HIBADH: variants seen among roughly 807,000 people sequenced by gnomAD.
HIBADH encodes the protein 3-hydroxyisobutyrate dehydrogenase.
In HIBADH, 25 loss-of-function variants were observed where a neutral mutation model predicts 36.1. The observed-to-expected ratio is 0.69, with a 90% CI of 0.50 to 0.97. The LOEUF (loss-of-function observed/expected upper bound fraction) is 0.97. HIBADH is among the 50% of genes least tolerant of loss of function. The pLI, the probability that HIBADH is intolerant of heterozygous loss-of-function variation, is 0.00. For missense variants in HIBADH, 421 were observed against 418.0 expected (o/e 1.01, Z -0.06); for synonymous variants, 160 against 149.5 (o/e 1.07, Z -0.51).
At chr7:27,608,300 C>A (rs34578407) in intron 4 of HIBADH, among the ~76,000 whole-genome samples, 20,767 of 152,110 alleles carry the variant, frequency 0.14, 1,699 homozygotes, top group Middle Eastern at 0.19. Flanking sequence ...AGGCAAAAGA[C>A]AGAAGGCATA....
intron 2 of HIBADH, among the ~76,000 whole-genome samples, chr7:27,647,147 G>T (rs531571234): frequency 6.6e-6 from 1 of 152,026 alleles, no homozygotes; most frequent in Non-Finnish European, 1.5e-5. Context: ...TAAAATAAGG[G>T]TTACCTGAAA....
At chr7:27,541,812 C>T in intron 5 of HIBADH, 1 of 393,316 alleles carries the variant, frequency 2.5e-6, no homozygotes, top group Non-Finnish European at 4.9e-6. Context: ...TACTATGATA[C>T]ACAATTTACT....
chr7:27,593,394 T>C (rs766238533), intron 4 of HIBADH, among the ~76,000 whole-genome samples: 3 of 152,180 alleles, frequency 2.0e-5, no homozygotes, highest in Non-Finnish European at 4.4e-5. Context: ...AGGGCAGGGA[T>C]TGTGCCTATT....
Position 27,528,115 on chromosome 7 carries a change from G to A in HIBADH, c.853-1743C>T, listed in dbSNP as rs563147881. Among the ~76,000 whole-genome samples the A allele has an allele frequency of 2.6e-5, 4 of 151,772 alleles. No individual in the cohort carries two copies. The East Asian group carries it at 5.8e-4, about 22-fold the overall frequency. The stretch of plus-strand genomic sequence containing the variant: ...AAACTGTTTTGGGGTGTCAGAAAGC[G>A]CACATAAGATGGCAAACATAATCGA... On this transcript the variant is annotated intron_variant, in intron 7 of 7. Transcript: ENST00000265395.
chr7:27,555,177 T>C (rs1422093623), intron 4 of HIBADH, among the ~76,000 whole-genome samples: 4 of 152,110 alleles, frequency 2.6e-5, no homozygotes, highest in African/African-American at 4.8e-5. Flanking sequence ...TGGAATAAAA[T>C]TTTTACAGAA....
chr7:27,586,017 T>A (rs1562631948), intron 4 of HIBADH, among the ~76,000 whole-genome samples: 2 of 152,232 alleles, frequency 1.3e-5, no homozygotes, highest in Non-Finnish European at 2.9e-5. Flanking sequence ...TCAGTCCACC[T>A]GGACGTGAAG....
chr7:27,629,976 A>G (rs1250653630), intron 3 of HIBADH, among the ~76,000 whole-genome samples: 1 of 152,062 alleles, frequency 6.6e-6, no homozygotes. Context: ...ATAAGCAATT[A>G]AAATCTAGCC....
intron 4 of HIBADH, among the ~76,000 whole-genome samples, chr7:27,610,844 T>G (rs1187357288): frequency 3.3e-5 from 5 of 152,168 alleles, no homozygotes; most frequent in Non-Finnish European, 7.4e-5. Context: ...GAAATAATTT[T>G]TTGTGGTCCT....
At chr7:27,660,660 G>GAGGGAAAAAAAAAAATTTTTTTCA (rs1786398455) in intron 1 of HIBADH, among the ~76,000 whole-genome samples, 2 of 141,932 alleles carry the variant, frequency 1.4e-5, no homozygotes, top group Non-Finnish European at 3.0e-5. Context: ...CAAAGACTCC[G>GAGGGAAAAAAAAAAATTTTTTTCA]AGGGAAAAAA....
chr7:27,541,284 T>C (rs1424064093), intron 5 of HIBADH, among the ~76,000 whole-genome samples: 1 of 152,182 alleles, frequency 6.6e-6, no homozygotes, highest in Non-Finnish European at 1.5e-5. Context: ...CGCCTATTTC[T>C]TGACATTTTT....
chr7:27,587,452 T>G (rs1314830272), intron 4 of HIBADH, among the ~76,000 whole-genome samples: 2 of 151,890 alleles, frequency 1.3e-5, no homozygotes, highest in African/African-American at 4.8e-5. Context: ...CAAAAAAAAA[T>G]GAATTATTAG....
chr7:27,567,014 G>A (rs1030076257), intron 4 of HIBADH, among the ~76,000 whole-genome samples: 8 of 152,132 alleles, frequency 5.3e-5, no homozygotes, highest in African/African-American at 1.7e-4. Context: ...TTGCTGCATA[G>A]AGTGTTCTAT....
At chr7:27,534,726 G>A (rs1790410040) in intron 6 of HIBADH, among the ~76,000 whole-genome samples, 1 of 151,982 alleles carries the variant, frequency 6.6e-6, no homozygotes, top group South Asian at 2.1e-4. Context: ...AATATGTAAT[G>A]CCAGCTAGTG....
At chr7:27,571,010 TTTCTA>T (rs1784620050) in intron 4 of HIBADH, among the ~76,000 whole-genome samples, 1 of 152,170 alleles carries the variant, frequency 6.6e-6, no homozygotes, top group Non-Finnish European at 1.5e-5. Context: ...TCTTTCTAGC[TTTCTA>T]TTCATGTCTC....
intron 1 of HIBADH, among the ~76,000 whole-genome samples, chr7:27,655,749 A>ACCC (rs35402898): frequency 6.6e-6 from 1 of 151,804 alleles, no homozygotes. Flanking sequence ...TATGTAAATT[A>ACCC]CCCCCCAGAA....
Position 27,543,021 on chromosome 7 carries a change from C to A in HIBADH, c.564G>T (p.Leu188Phe). Residue 188 changes from leucine (L) to phenylalanine (F), a missense_variant, in exon 5 of 8, where the codon TTG becomes TTT. By Grantham distance (22) the Leu-to-Phe change is conservative. Transcript: ENST00000265395. ...CCACGTTGGAGCCCATGCACCCCAGCAACTCTTGGGCAGCAGCAAATTCAT... is the reference window on the plus strand; with the variant it reads ...CCACGTTGGAGCCCATGCACCCCAGAAACTCTTGGGCAGCAGCAAATTCAT... ...VEDEFAAAQELLGCMGSNVVY... is the reference protein window; with the variant it reads ...VEDEFAAAQEFLGCMGSNVVY... 6.2e-7 allele frequency: 1 copy of A among 1,613,830 alleles called. No individual in the cohort carries two copies. Among genetic ancestry groups the A allele is most frequent in the Non-Finnish European group, 8.5e-7 (1 of 1,179,870 alleles).
rs1474561330 is a variant in HIBADH at position 27,525,819 on chromosome 7, C to T, written c.*395G>A. 1 of 152,728 alleles carries T rather than the reference C, an allele frequency of 6.5e-6. No individual in the cohort carries two copies. Among genetic ancestry groups the T allele is most frequent in the Middle Eastern group, 3.2e-3 (1 of 316 alleles). 9.5% of individuals were successfully genotyped at this position (152,728 alleles called of 1,614,324 possible). A position where few individuals can be genotyped will look rare whatever the true frequency, so the allele number is the denominator to read the frequency against. The stretch of plus-strand genomic sequence containing the variant: ...AATTCACTGCATTTCCCTTCTCTAA[C>T]TTCTCTCTTCACACCAATTCCTTTT... On this transcript the variant is annotated 3_prime_UTR_variant, in exon 8 of 8. Coordinates refer to ENST00000265395, the MANE Select transcript of HIBADH (RefSeq NM_152740.4).
chr7:27,590,238 A>C (rs902367966), intron 4 of HIBADH, among the ~76,000 whole-genome samples: 8 of 152,162 alleles, frequency 5.3e-5, no homozygotes, highest in African/African-American at 1.9e-4. Context: ...ACTTTTATTT[A>C]CACCCAGAAA....
At chr7:27,602,483 T>C (rs981796882) in intron 4 of HIBADH, among the ~76,000 whole-genome samples, 1 of 152,208 alleles carries the variant, frequency 6.6e-6, no homozygotes, top group African/African-American at 2.4e-5. Context: ...ATGGATGTTG[T>C]AGCTCTTACT....
Sources: gnomAD v4.1 joint callset for allele counts (sites outside exome capture counted in the v4.1 genomes callset) on GRCh38, gnomAD v4.1.1 for gene constraint, MANE v1.5 for transcripts, NCBI Gene and HGNC (gene_info 2026-07-23, HGNC 2026-07-21) for gene names.